EEA1: variants seen among roughly 807,000 people sequenced by gnomAD.
The protein encoded by EEA1 is early endosome antigen 1, 162kD.
EEA1 carries 111 observed loss-of-function variants against 209.2 expected under a neutral mutation model. The ratio of observed to expected loss-of-function variants is 0.53; its 90% CI spans 0.45 to 0.62. EEA1 has a LOEUF of 0.62. Ranked by LOEUF, EEA1 falls within the 20% of genes least tolerant of loss-of-function variation. The probability of loss-of-function intolerance (pLI) is 0.00; values close to 1 mark genes in which losing one functional copy is unlikely to be tolerated. For synonymous variants in EEA1, 536 were observed against 540.6 expected (o/e 0.99, Z 0.12); for missense variants, 1,343 against 1,530.8 (o/e 0.88, Z 2.05).
chr12:92,797,628 G>C (rs1874715503), intron 21 of EEA1, among the ~76,000 whole-genome samples: 1 of 152,056 alleles, frequency 6.6e-6, no homozygotes, highest in South Asian at 2.1e-4. Flanking sequence ...TAAAAACGAA[G>C]ATTTTGTAAA....
intron 22 of EEA1, among the ~76,000 whole-genome samples, chr12:92,785,889 A>G (rs1335856083): frequency 6.6e-6 from 1 of 152,176 alleles, no homozygotes; most frequent in East Asian, 1.9e-4. Flanking sequence ...TTATTCTTTC[A>G]TGTATGAAAT....
chr12:92,906,806 T>C (rs1472954740), intron 1 of EEA1, among the ~76,000 whole-genome samples: 1 of 152,028 alleles, frequency 6.6e-6, no homozygotes. Context: ...AGAGCTAGAC[T>C]CTGTCTCAAA....
At chr12:92,792,741 AAT>A (rs1351993630) in intron 21 of EEA1, among the ~76,000 whole-genome samples, 2 of 152,218 alleles carry the variant, frequency 1.3e-5, no homozygotes, top group African/African-American at 4.8e-5. Flanking sequence ...AAACTATTCC[AAT>A]CAACAGAAAA....
chr12:92,827,971 T>A lies in EEA1; in HGVS notation c.1345A>T (p.Met449Leu). Residue 449 changes from methionine (M) to leucine (L), a missense_variant, in exon 12 of 29, where the codon ATG becomes TTG. Around this residue, in one of 3 missense-constraint regions of EEA1, gnomAD observed 1,307 missense variants for 1,465.5 expected, o/e 0.89. Transcript: ENST00000322349. ...TCAGCCACTTGTTGTTCTTTATCCA[T>A]CAACTTTTCACTTGAAAGCTGTCTC... is the stretch of plus-strand genomic sequence containing the variant. The part of the protein sequence containing the change: ...EQRQLSSEKL[M>L]DKEQQVADLQ... The A allele has an allele frequency of 1.9e-6, 3 of 1,604,150 alleles. No homozygotes were observed. Among genetic ancestry groups the A allele is most frequent in the Non-Finnish European group, 2.6e-6 (3 of 1,176,304 alleles).
chr12:92,891,758 GC>G, intron 1 of EEA1, 37 bp from the exon 2 acceptor site: 1 of 1,438,210 alleles, frequency 7.0e-7, no homozygotes. Context: ...AAAAAACAAA[GC>G]AGACATTAAC....
At chr12:92,819,814 G>A (rs1875963386) in intron 13 of EEA1, among the ~76,000 whole-genome samples, 1 of 151,802 alleles carries the variant, frequency 6.6e-6, no homozygotes, top group South Asian at 2.1e-4. Context: ...AGACACATGA[G>A]ACTCAATCTC....
intron 1 of EEA1, among the ~76,000 whole-genome samples, chr12:92,893,241 C>G (rs1430036409): frequency 1.8e-4 from 27 of 152,184 alleles, no homozygotes; most frequent in Admixed American, 1.8e-3. Flanking sequence ...AGCACAAAAA[C>G]TGACTCAATA....
chr12:92,778,434 T>C (rs1873755160), intron 25 of EEA1, among the ~76,000 whole-genome samples: 1 of 152,030 alleles, frequency 6.6e-6, no homozygotes, highest in African/African-American at 2.4e-5. Flanking sequence ...GTGAGATCTT[T>C]CTTCTTCTCC....
At chr12:92,859,297 A>C in intron 3 of EEA1, 1 of 1,518,656 alleles carries the variant, frequency 6.6e-7, no homozygotes, top group Non-Finnish European at 9.0e-7. Flanking sequence ...TTTTTTCCCC[A>C]TACTTGTTGG....
chr12:92,876,952 T>TG lies in EEA1; in HGVS notation c.118-11966_118-11965insC, dbSNP rs550367878. 1.6e-3 allele frequency among the ~76,000 whole-genome samples: 234 copies of TG among 150,040 alleles called. 1 individual carries two copies. Among genetic ancestry groups the TG allele is most frequent in the Non-Finnish European group, 1.7e-3 (115 of 67,026 alleles). ...CATTAACCTGGGTGTTGTTTTTTTTTTTTGTTTTTGAGACAGAGTCTTGCT... is the reference window on the plus strand; with the variant it reads ...CATTAACCTGGGTGTTGTTTTTTTTTGTTTGTTTTTGAGACAGAGTCTTGCT... On this transcript the variant is annotated intron_variant, in intron 2 of 28. Transcript: ENST00000322349.
chr12:92,785,360 C>T (rs1005418017), intron 22 of EEA1, among the ~76,000 whole-genome samples: 1 of 152,198 alleles, frequency 6.6e-6, no homozygotes, highest in African/African-American at 2.4e-5. Context: ...AGCCCATGCT[C>T]TACACTGTCA....
chr12:92,855,722 C>T (rs80183823), intron 5 of EEA1, among the ~76,000 whole-genome samples: 61 of 152,130 alleles, frequency 4.0e-4, no homozygotes, highest in African/African-American at 1.4e-3. Context: ...TGCTAAGAAC[C>T]TTAAGTATTT....
chr12:92,781,826 G>A, intron 23 of EEA1, 124 bp downstream of exon 23: 3 of 764,988 alleles, frequency 3.9e-6, no homozygotes, highest in Non-Finnish European at 5.7e-6. Flanking sequence ...AGAAACTAGA[G>A]GTCCCTCTGA....
Position 92,786,978 on chromosome 12 carries a change from C to T in EEA1, c.3150+889G>A, listed in dbSNP as rs1478756226. On this transcript the variant is annotated intron_variant, in intron 22 of 28. Coordinates refer to ENST00000322349, the MANE Select transcript of EEA1 (RefSeq NM_003566.4). The stretch of plus-strand genomic sequence containing the variant: ...ACTATGGCACCTTTTCTCAAATGTG[C>T]CCCTGAATAAAATGACCTTTCTCCG... 2.0e-5 allele frequency among the ~76,000 whole-genome samples: 3 copies of T among 152,108 alleles called. No homozygotes were observed. In the East Asian group the frequency reaches 5.8e-4, roughly 29 times the overall value.
At chr12:92,815,206 AG>A (rs1271474954) in intron 15 of EEA1, among the ~76,000 whole-genome samples, 1 of 151,936 alleles carries the variant, frequency 6.6e-6, no homozygotes, top group Non-Finnish European at 1.5e-5. Flanking sequence ...GAGCAATGAT[AG>A]TAACAAAAAA....
At position 92,809,089 on chromosome 12, in the gene EEA1, T is replaced by C. The variant is rs753514695; in HGVS notation, c.2267A>G (p.Gln756Arg). The C allele has an allele frequency of 6.2e-7, 1 of 1,609,274 alleles. No individual in the cohort carries two copies. Among genetic ancestry groups the C allele is most frequent in the Non-Finnish European group, 8.5e-7 (1 of 1,177,424 alleles). ...KEQALQDLQQ[Q>R]RQLNTDLELR... The stretch of plus-strand genomic sequence containing the variant: ...CTCTAAATCTGTGTTCAGCTGTCTT[T>C]GCTGTTGTAGATCTTGCAAAGCCTG... Residue 756 changes from glutamine to arginine, a missense_variant, in exon 18 of 29, where the codon CAA becomes CGA. By Grantham distance (43) the Gln-to-Arg change is conservative (BLOSUM62 1). Transcript: ENST00000322349.
At chr12:92,779,078 T>C (rs771968966) in intron 25 of EEA1, 37 bp downstream of exon 25, 1 of 1,550,396 alleles carries the variant, frequency 6.4e-7, no homozygotes, top group South Asian at 1.2e-5. Flanking sequence ...TTTAAAGCTC[T>C]ACTGCAAAAC....
chr12:92,870,960 C>T (rs547624338), intron 2 of EEA1, among the ~76,000 whole-genome samples: 1 of 152,292 alleles, frequency 6.6e-6, no homozygotes, highest in Middle Eastern at 3.4e-3. Flanking sequence ...CTGCCCACCT[C>T]AGCCTCCCAA....
chr12:92,793,023 G>A (rs1048200762), intron 21 of EEA1, among the ~76,000 whole-genome samples: 1 of 151,966 alleles, frequency 6.6e-6, no homozygotes, highest in Admixed American at 6.6e-5. Context: ...CAGAACCAAC[G>A]ACAAAAACCA....
Sources: gnomAD v4.1 joint callset for allele counts (sites outside exome capture counted in the v4.1 genomes callset) on GRCh38, gnomAD v4.1.1 for gene constraint, gnomAD v4.1.1 regional missense constraint, MANE v1.5 for transcripts, NCBI Gene and HGNC (gene_info 2026-07-23, HGNC 2026-07-21) for gene names.